The following CORIN variants were observed in gnomAD, a reference collection of about 807,000 sequenced individuals.
The protein encoded by CORIN is atrial natriuretic peptide-converting enzyme.
Under a neutral mutation model 125.3 loss-of-function variants are expected in CORIN, and 117 were observed. That is an observed-to-expected ratio of 0.93 (90% CI 0.80 to 1.09). CORIN has a LOEUF of 1.09. Among genes scored for constraint, CORIN ranks in the 50% least tolerant of loss-of-function variants. The pLI, the probability that CORIN is intolerant of heterozygous loss-of-function variation, is 0.00. For missense variants in CORIN, 1,253 were observed against 1,306.7 expected (o/e 0.96, Z 0.63); for synonymous variants, 450 against 466.4 (o/e 0.96, Z 0.45).
intron 3 of CORIN, among the ~76,000 whole-genome samples, chr4:47,771,532 C>T (rs776548579): frequency 6.6e-6 from 1 of 152,074 alleles, no homozygotes; most frequent in Non-Finnish European, 1.5e-5. Flanking sequence ...CAGATTATTT[C>T]GTCACCCAAG....
intron 10 of CORIN, among the ~76,000 whole-genome samples, chr4:47,670,179 G>A (rs1409175444): frequency 6.6e-6 from 1 of 152,202 alleles, no homozygotes; most frequent in African/African-American, 2.4e-5. Flanking sequence ...CACAAGACTA[G>A]AAGTGGCTAA....
Position 47,726,623 on chromosome 4 carries a change from T to C in CORIN, c.799+17779A>G, listed in dbSNP as rs142628875. Among the ~76,000 whole-genome samples the C allele has an allele frequency of 1.9e-4, 29 of 152,122 alleles. No individual in the cohort carries two copies. In the East Asian group the frequency reaches 5.2e-3, roughly 27 times the overall value. On this transcript the variant is annotated intron_variant, in intron 5 of 21. Coordinates refer to ENST00000273857, the MANE Select transcript of CORIN (RefSeq NM_006587.4). Reference sequence around the variant, plus strand: ...GTTCAGTAATCTAATTTTGTGGTGGTTACAAATATCTATGCATGTGTTAAA... The same window carrying C: ...GTTCAGTAATCTAATTTTGTGGTGGCTACAAATATCTATGCATGTGTTAAA...
At chr4:47,615,341 C>T (rs1423103641) in intron 19 of CORIN, among the ~76,000 whole-genome samples, 6 of 152,114 alleles carry the variant, frequency 3.9e-5, no homozygotes, top group Non-Finnish European at 1.5e-5. Context: ...CACTATCTTA[C>T]TGTGTGGATA....
At chr4:47,805,152 AATAATAAT>A (rs1731732692) in intron 2 of CORIN, among the ~76,000 whole-genome samples, 1 of 135,124 alleles carries the variant, frequency 7.4e-6, no homozygotes, top group African/African-American at 2.7e-5. Flanking sequence ...AAAAAAAAAT[AATAATAAT>A]AATAATAATA....
chr4:47,636,804 T>C (rs1212341507), intron 16 of CORIN, among the ~76,000 whole-genome samples: 1 of 152,156 alleles, frequency 6.6e-6, no homozygotes. Flanking sequence ...AATGTCTTTA[T>C]CAGCAGTGTG....
rs148518530 is a variant in CORIN, at chr4:47,613,448, G to A, written c.2541-9780C>T. On this transcript the variant is annotated intron_variant, in intron 19 of 21. Coordinates refer to ENST00000273857, the MANE Select transcript of CORIN (RefSeq NM_006587.4). ...AGCCTGAGCAACAGAGCGAGACTCC[G>A]TCTCAAAAAAAGAAAAAAAACTCAG... 1.6e-3 allele frequency among the ~76,000 whole-genome samples: 249 copies of A among 152,022 alleles called. No homozygotes were observed. In the Middle Eastern group the frequency reaches 0.017, roughly 10 times the overall value.
At chr4:47,625,875 T>C (rs1253613124) in intron 17 of CORIN, among the ~76,000 whole-genome samples, 1 of 152,178 alleles carries the variant, frequency 6.6e-6, no homozygotes. Flanking sequence ...ACTTAGTAAG[T>C]GTAAATTTCC....
intron 19 of CORIN, among the ~76,000 whole-genome samples, chr4:47,609,971 AT>A (rs1341610693): frequency 2.0e-5 from 3 of 152,216 alleles, no homozygotes; most frequent in African/African-American, 7.2e-5. Flanking sequence ...TCCATGGTGT[AT>A]ATGTACCACA....
chr4:47,613,046 C>A (rs1182870581), intron 19 of CORIN, among the ~76,000 whole-genome samples: 1 of 152,196 alleles, frequency 6.6e-6, no homozygotes, highest in Non-Finnish European at 1.5e-5. Context: ...TTAAAGCAGT[C>A]ATGGCTCAAC....
At chr4:47,626,358 T>C (rs1458447909) in intron 17 of CORIN, 47 bp downstream of exon 17, 2 of 1,128,582 alleles carry the variant, frequency 1.8e-6, no homozygotes, top group Non-Finnish European at 2.7e-6. Flanking sequence ...TGATAAACTC[T>C]TGCTCTGTAA....
chr4:47,830,269 G>A (rs993259533), intron 1 of CORIN, among the ~76,000 whole-genome samples: 1 of 151,982 alleles, frequency 6.6e-6, no homozygotes, highest in African/African-American at 2.4e-5. Flanking sequence ...CATCGGTTGA[G>A]TACCAGATTA....
At chr4:47,631,032 G>A (rs879844593) in intron 16 of CORIN, among the ~76,000 whole-genome samples, 9 of 152,020 alleles carry the variant, frequency 5.9e-5, no homozygotes, top group Non-Finnish European at 1.0e-4. Context: ...AGGGCCGGAG[G>A]GTGCCTATAA....
At chr4:47,610,604 C>T (rs183030877) in intron 19 of CORIN, among the ~76,000 whole-genome samples, 176 of 152,206 alleles carry the variant, frequency 1.2e-3, no homozygotes, top group African/African-American at 4.0e-3. Flanking sequence ...AATTAGATCC[C>T]ATTTGTCAAC....
At chr4:47,757,955 C>A (rs1185496337) in intron 4 of CORIN, among the ~76,000 whole-genome samples, 2 of 148,880 alleles carry the variant, frequency 1.3e-5, no homozygotes, top group Admixed American at 1.3e-4. Flanking sequence ...ACTCCATCGT[C>A]CAGGCTGAAG....
At chr4:47,666,688 T>G (rs1327422303) in intron 10 of CORIN, among the ~76,000 whole-genome samples, 1 of 152,086 alleles carries the variant, frequency 6.6e-6, no homozygotes, top group African/African-American at 2.4e-5. Context: ...GAGAAGAGAC[T>G]AAAGCTCTCG....
chr4:47,599,110 T>C (rs1319073238), intron 21 of CORIN, among the ~76,000 whole-genome samples: 2 of 152,164 alleles, frequency 1.3e-5, no homozygotes, highest in Non-Finnish European at 2.9e-5. Flanking sequence ...ACCCACATCA[T>C]GCTGCCTCCT....
chr4:47,770,263 T>C (rs1729963099), intron 3 of CORIN, among the ~76,000 whole-genome samples: 1 of 152,072 alleles, frequency 6.6e-6, no homozygotes, highest in Non-Finnish European at 1.5e-5. Flanking sequence ...AAGTTCAACA[T>C]CTCTAGCCAT....
At chr4:47,635,244 T>C (rs1401242138) in intron 16 of CORIN, among the ~76,000 whole-genome samples, 1 of 152,154 alleles carries the variant, frequency 6.6e-6, no homozygotes, top group Non-Finnish European at 1.5e-5. Context: ...AACAGATTGG[T>C]GTTGTATCAG....
chr4:47,691,443 G>T (rs1373028899), intron 6 of CORIN, among the ~76,000 whole-genome samples: 1 of 152,136 alleles, frequency 6.6e-6, no homozygotes. Flanking sequence ...GCCATGCGTT[G>T]TTTTGAAAAG....
Sources: allele counts gnomAD v4.1 joint callset (sites outside exome capture counted in the v4.1 genomes callset), GRCh38; gene constraint gnomAD v4.1.1; transcripts MANE v1.5; gene names NCBI Gene and HGNC (gene_info 2026-07-23, HGNC 2026-07-21).